Variants in MND1 observed in about 807,000 individuals in gnomAD.
The protein encoded by MND1 is meiotic nuclear divisions 1.
A neutral mutation model predicts 35.1 loss-of-function variants in MND1; 28 were observed. That is an observed-to-expected ratio of 0.80 (90% CI 0.59 to 1.09). MND1 has a LOEUF of 1.09. Ranked by LOEUF, MND1 falls within the 50% of genes least tolerant of loss-of-function variation. The pLI is 0.00. For missense variants in MND1, 213 were observed against 239.6 expected (o/e 0.89, Z 0.73); for synonymous variants, 69 against 70.5 (o/e 0.98, Z 0.11).
At chr4:153,358,722 T>C (rs1773407056) in intron 4 of MND1, 100 bp downstream of exon 4, 11 of 1,148,826 alleles carry the variant, frequency 9.6e-6, no homozygotes, top group Admixed American at 2.7e-5. Context: ...ATTTTTGATA[T>C]GCATTATTTG....
chr4:153,363,098 C>T (rs13139537), intron 4 of MND1: 173,120 of 751,436 alleles, frequency 0.23, 20,805 homozygotes, highest in African/African-American at 0.35. Context: ...TTCTAGCTCT[C>T]CTTGTCTCAT....
At chr4:153,397,120 A>C in intron 5 of MND1, 99 bp from the exon 6 acceptor site, 1 of 762,496 alleles carries the variant, frequency 1.3e-6, no homozygotes, top group Non-Finnish European at 2.1e-6. Flanking sequence ...AATGCACATC[A>C]TTTATAAGAA....
At chr4:153,404,489 C>CTT (rs1195445723) in intron 6 of MND1, among the ~76,000 whole-genome samples, 45 of 137,120 alleles carry the variant, frequency 3.3e-4, no homozygotes, top group African/African-American at 1.2e-3. Flanking sequence ...TGTGCACGGC[C>CTT]TTTTTTTTTT....
At chr4:153,400,333 G>T (rs1168950730) in intron 6 of MND1, among the ~76,000 whole-genome samples, 3 of 152,068 alleles carry the variant, frequency 2.0e-5, no homozygotes, top group Non-Finnish European at 4.4e-5. Context: ...TTTTACTTGG[G>T]AATGAGAGAG....
chr4:153,345,234 C>A, intron 1 of MND1: 2 of 687,552 alleles, frequency 2.9e-6, no homozygotes, highest in Non-Finnish European at 3.6e-6. Flanking sequence ...ACGTCTTGAT[C>A]CCAAAGCGCA....
At chr4:153,347,818 A>C (rs1773110280) in intron 1 of MND1, among the ~76,000 whole-genome samples, 2 of 152,128 alleles carry the variant, frequency 1.3e-5, no homozygotes, top group Non-Finnish European at 2.9e-5. Flanking sequence ...AGATAATTAC[A>C]GGCAGTTTTT....
At chr4:153,410,373 AG>A (rs2149660636) in intron 7 of MND1, among the ~76,000 whole-genome samples, 1 of 152,256 alleles carries the variant, frequency 6.6e-6, no homozygotes, top group South Asian at 2.1e-4. Context: ...CAGCAGAAAC[AG>A]CTGTTAAGAA....
intron 4 of MND1, among the ~76,000 whole-genome samples, chr4:153,382,435 C>T (rs892929438): frequency 2.0e-5 from 3 of 152,114 alleles, no homozygotes; most frequent in Non-Finnish European, 2.9e-5. Context: ...CTATATAGCC[C>T]ATGGAAGGGA....
At chr4:153,372,616 A>G (rs2149641347) in intron 4 of MND1, among the ~76,000 whole-genome samples, 1 of 152,114 alleles carries the variant, frequency 6.6e-6, no homozygotes, top group Admixed American at 6.6e-5. Context: ...CCTTCCCTAC[A>G]CTGCTCCCCT....
intron 4 of MND1, among the ~76,000 whole-genome samples, chr4:153,365,381 G>A (rs1467596670): frequency 6.6e-6 from 1 of 152,152 alleles, no homozygotes; most frequent in Non-Finnish European, 1.5e-5. Context: ...CACAGGACAT[G>A]GAGTCAAAAT....
chr4:153,389,463 C>T (rs748015473), intron 4 of MND1, among the ~76,000 whole-genome samples: 5 of 152,198 alleles, frequency 3.3e-5, no homozygotes, highest in East Asian at 3.9e-4. Context: ...TGGGTTCAAG[C>T]GATTCTCCTG....
At chr4:153,369,988 A>T (rs1773750561) in intron 4 of MND1, among the ~76,000 whole-genome samples, 2 of 152,076 alleles carry the variant, frequency 1.3e-5, no homozygotes, top group African/African-American at 4.8e-5. Context: ...ATCTATAAGA[A>T]GCAATTCCTA....
At chr4:153,401,929 C>A (rs879315995) in intron 6 of MND1, among the ~76,000 whole-genome samples, 3 of 152,044 alleles carry the variant, frequency 2.0e-5, no homozygotes, top group African/African-American at 4.8e-5. Context: ...CAGAGGCAGG[C>A]GGATCACTAG....
intron 4 of MND1, among the ~76,000 whole-genome samples, chr4:153,367,304 T>C (rs1240189611): frequency 6.6e-6 from 1 of 152,204 alleles, no homozygotes; most frequent in East Asian, 1.9e-4. Flanking sequence ...TTCTGAATCT[T>C]CTCAGCCCAC....
chr4:153,402,136 A>G (rs1286749323), intron 6 of MND1, among the ~76,000 whole-genome samples: 2 of 152,198 alleles, frequency 1.3e-5, no homozygotes, highest in Non-Finnish European at 2.9e-5. Context: ...CCTGGGTGAC[A>G]GAGCGAAACA....
intron 1 of MND1, among the ~76,000 whole-genome samples, chr4:153,345,694 G>T (rs1168962609): frequency 6.6e-6 from 1 of 152,236 alleles, no homozygotes; most frequent in Non-Finnish European, 1.5e-5. Context: ...GGGGGGCAGG[G>T]TGGGACACCA....
chr4:153,349,460 T>C (rs994838377), intron 1 of MND1, among the ~76,000 whole-genome samples: 2 of 152,194 alleles, frequency 1.3e-5, no homozygotes, highest in African/African-American at 4.8e-5. Context: ...CAGTCAGCTT[T>C]CCATAACCTG....
chr4:153,364,442 A>G (rs1268512421), intron 4 of MND1, among the ~76,000 whole-genome samples: 1 of 152,054 alleles, frequency 6.6e-6, no homozygotes, highest in Non-Finnish European at 1.5e-5. Flanking sequence ...GCGTGAGCCT[A>G]AGAGTTTGAG....
chr4:153,371,209 G>A (rs1773782635), intron 4 of MND1, among the ~76,000 whole-genome samples: 1 of 152,028 alleles, frequency 6.6e-6, no homozygotes, highest in African/African-American at 2.4e-5. Flanking sequence ...TAGGGCACAG[G>A]CAGAGTAGAT....
Sources: allele counts gnomAD v4.1 joint callset (sites outside exome capture counted in the v4.1 genomes callset), GRCh38; gene constraint gnomAD v4.1.1; transcripts MANE v1.5; gene names NCBI Gene and HGNC (gene_info 2026-07-23, HGNC 2026-07-21).